MYO18B: variants seen among roughly 807,000 people sequenced by gnomAD.
MYO18B encodes the protein unconventional myosin-XVIIIb.
MYO18B carries 204 observed loss-of-function variants against 273.0 expected under a neutral mutation model. The observed-to-expected ratio is 0.75, with a 90% CI of 0.67 to 0.84. MYO18B has a LOEUF of 0.84. MYO18B is among the 40% of genes least tolerant of loss of function. The probability of loss-of-function intolerance (pLI) is 0.00; values close to 1 mark genes in which losing one functional copy is unlikely to be tolerated. For missense variants in MYO18B, 3,212 were observed against 3,287.6 expected (o/e 0.98, Z 0.56); for synonymous variants, 1,330 against 1,305.7 (o/e 1.02, Z -0.40).
chr22:25,847,433 G>A lies in MYO18B; in HGVS notation c.3556G>A (p.Ala1186Thr). Residue 1186 changes from alanine to threonine, a missense_variant, in exon 20 of 44, where the codon GCG becomes ACG. Physicochemically the swap from Ala to Thr is moderately conservative, Grantham distance 58. Coordinates refer to ENST00000335473, the MANE Select transcript of MYO18B (RefSeq NM_032608.7). ...GACCTCCCTCTATTTGGTCTAGGAT[G>A]CGCTGACCAGCATGATCAAAAGGTC... The part of the protein sequence containing the change: ...PCSQIKLQMD[A>T]LTSMIKRSRL... 1 of 1,565,196 alleles carries A rather than the reference G, an allele frequency of 6.4e-7. No individual in the cohort carries two copies. Among genetic ancestry groups the A allele is most frequent in the Non-Finnish European group, 8.7e-7 (1 of 1,154,434 alleles).
chr22:25,915,721 C>T (rs1250858937), intron 33 of MYO18B, among the ~76,000 whole-genome samples: 1 of 152,174 alleles, frequency 6.6e-6, no homozygotes, highest in Non-Finnish European at 1.5e-5. Flanking sequence ...ATTTTAGATA[C>T]TTAAGGTATC....
chr22:26,028,204 C>A lies in MYO18B; in HGVS notation c.*12+514C>A, dbSNP rs1486131188. On this transcript the variant is annotated intron_variant, in intron 43 of 43. Transcript: ENST00000335473. ...AGGTTGCAGTGAGCTGAGGGTGCCA[C>A]CACTGCACTCCAGCCTGGGAAACAA... 2.0e-5 allele frequency: 3 copies of A among 149,926 alleles called. No individual in the cohort carries two copies. In the East Asian group the frequency reaches 5.9e-4, roughly 29 times the overall value. The allele number at this position is 149,926 out of a possible 1,614,324, so 9.3% of individuals were successfully genotyped here. A position where few individuals can be genotyped will look rare whatever the true frequency, so the allele number is the denominator to read the frequency against.
intron 1 of MYO18B, among the ~76,000 whole-genome samples, chr22:25,752,977 C>T (rs1018580473): frequency 6.6e-6 from 1 of 152,220 alleles, no homozygotes; most frequent in African/African-American, 2.4e-5. Flanking sequence ...GCTGGGTCCC[C>T]CAGCACTGCT....
chr22:25,743,252 A>C (rs938460153), intron 1 of MYO18B, among the ~76,000 whole-genome samples: 2 of 152,250 alleles, frequency 1.3e-5, no homozygotes, highest in Non-Finnish European at 2.9e-5. Context: ...CATTCAGTGC[A>C]CCAGCTCATG....
intron 39 of MYO18B, among the ~76,000 whole-genome samples, chr22:25,974,899 G>A (rs888956111): frequency 5.3e-5 from 8 of 152,182 alleles, no homozygotes; most frequent in African/African-American, 1.7e-4. Context: ...GAATGCGGGG[G>A]AAGAAGGAGA....
rs545198222 is a variant in MYO18B at position 26,027,435 on chromosome 22, G to A, written c.7461G>A (p.Gly2487=). 4 of 1,613,946 alleles carry A rather than the reference G, an allele frequency of 2.5e-6. No homozygotes were observed. Among genetic ancestry groups the A allele is most frequent in the Non-Finnish European group, 3.4e-6 (4 of 1,179,888 alleles). Residue 2487 remains glycine, a synonymous_variant, in exon 43 of 44, where the codon GGG becomes GGA. Transcript: ENST00000335473. The surrounding 1 kb of genome is among the most constrained non-coding windows in gnomAD (Gnocchi z 4.1). Reference sequence around the variant, plus strand: ...AGGCTAACCGTTCCTTTCTCTCGGGGATCAAGACCATTTTGAAGAAGAGCC... The same window carrying A: ...AGGCTAACCGTTCCTTTCTCTCGGGAATCAAGACCATTTTGAAGAAGAGCC... ...TEEANRSFLS[G]IKTILKKSPE...
chr22:25,855,290 T>TTTTC (rs1387359741), intron 21 of MYO18B, among the ~76,000 whole-genome samples: 6 of 150,464 alleles, frequency 4.0e-5, no homozygotes, highest in Non-Finnish European at 7.4e-5. Context: ...TCATTCTTTT[T>TTTTC]TTTTTTTTTT....
In MYO18B at chr22:25,846,210, T is replaced by C; in HGVS notation, c.3479T>C (p.Val1160Ala). ...SQQALQRSRM[V>A]RRTFASSLAA... ...CAGGCCCTGCAGAGGAGCCGCATGG[T>C]GAGGAGGACCTTTGCCAGCAGCCTT... Residue 1160 changes from valine to alanine, a missense_variant, in exon 19 of 44, where the codon GTG (valine) becomes GCG (alanine). Transcript: ENST00000335473. 2 of 1,612,498 alleles carry C rather than the reference T, an allele frequency of 1.2e-6. No individual in the cohort carries two copies. The highest frequency in any genetic ancestry group is 1.7e-6 in the Non-Finnish European group (2 of 1,179,770).
chr22:25,834,841 T>C (rs1228665082), intron 16 of MYO18B, among the ~76,000 whole-genome samples: 1 of 152,210 alleles, frequency 6.6e-6, no homozygotes, highest in Non-Finnish European at 1.5e-5. Context: ...AAGATTTTAG[T>C]TTAAAAAATA....
intron 34 of MYO18B, among the ~76,000 whole-genome samples, chr22:25,930,699 C>T (rs12627770): frequency 0.38 from 57,057 of 151,694 alleles, 12,861 homozygotes; most frequent in East Asian, 0.51. Context: ...GTCTTGAACT[C>T]CTGGGCTCAA....
intron 34 of MYO18B, among the ~76,000 whole-genome samples, chr22:25,925,467 A>G (rs1351171580): frequency 6.6e-6 from 1 of 152,164 alleles, no homozygotes. Context: ...TTGAGTAGAG[A>G]AAACTGGATC....
intron 12 of MYO18B, among the ~76,000 whole-genome samples, chr22:25,804,288 G>C (rs565426671): frequency 6.6e-6 from 1 of 152,248 alleles, no homozygotes; most frequent in African/African-American, 2.4e-5. Flanking sequence ...GCCTGCCCAG[G>C]TTGCTCAGAG....
intron 20 of MYO18B, among the ~76,000 whole-genome samples, chr22:25,849,489 ATATACACAT>A (rs2146035370): frequency 6.6e-6 from 1 of 152,330 alleles, no homozygotes; most frequent in African/African-American, 2.4e-5. Context: ...ATATATGCAT[ATATACACAT>A]GCATGTGTGA....
chr22:25,876,610 A>G lies in MYO18B; in HGVS notation c.4224+278A>G, dbSNP rs147623207. On this transcript the variant is annotated intron_variant, in intron 24 of 43. Coordinates refer to ENST00000335473, the MANE Select transcript of MYO18B (RefSeq NM_032608.7). ...TCACTACTTAACCCAGAGAAGCTCA[A>G]TGGGCAGAGTCTTTGAGTCCTTTAT... 4.9e-4 allele frequency among the ~76,000 whole-genome samples: 74 copies of G among 150,426 alleles called. No homozygotes were observed. In the East Asian group the frequency reaches 0.013, roughly 27 times the overall value.
chr22:25,909,859 C>T (rs572393564), intron 32 of MYO18B, among the ~76,000 whole-genome samples: 1 of 152,232 alleles, frequency 6.6e-6, no homozygotes, highest in African/African-American at 2.4e-5. Flanking sequence ...GCAGAAAGAG[C>T]TGGGGTCAGG....
intron 39 of MYO18B, among the ~76,000 whole-genome samples, chr22:25,965,366 T>C (rs773333404): frequency 5.9e-5 from 9 of 152,178 alleles, no homozygotes; most frequent in African/African-American, 9.7e-5. Flanking sequence ...AAAAAGCCCA[T>C]TGATGATTAG....
At position 25,769,215 on chromosome 22, in the gene MYO18B, G is replaced by A; in HGVS notation, c.1299G>A (p.Gly433=). 6.2e-7 allele frequency: 1 copy of A among 1,605,272 alleles called. No homozygotes were observed. The highest frequency in any genetic ancestry group is 8.5e-7 in the Non-Finnish European group (1 of 1,176,086). The part of the protein sequence containing the change: ...STMVESPAAP[G]KGGWPGSRGQ... ...TGGTGGAGTCGCCAGCAGCTCCTGGGAAGGGAGGCTGGCCAGGAAGCCGTG... is the reference window on the plus strand; with the variant it reads ...TGGTGGAGTCGCCAGCAGCTCCTGGAAAGGGAGGCTGGCCAGGAAGCCGTG... The change falls in exon 4 of 44, where the codon GGG becomes GGA. Residue 433 remains glycine, a synonymous_variant. Transcript: ENST00000335473.
chr22:26,024,690 A>G (rs1936107504), intron 42 of MYO18B, among the ~76,000 whole-genome samples: 1 of 152,162 alleles, frequency 6.6e-6, no homozygotes, highest in Admixed American at 6.6e-5. Context: ...CATCATTGCC[A>G]TGGCGATCTC....
intron 1 of MYO18B, among the ~76,000 whole-genome samples, chr22:25,754,329 G>A (rs2086040063): frequency 6.6e-6 from 1 of 152,214 alleles, no homozygotes; most frequent in Admixed American, 6.5e-5. Context: ...GGAGGTCAGT[G>A]TAATTGACAG....
Sources: allele counts gnomAD v4.1 joint callset (sites outside exome capture counted in the v4.1 genomes callset), GRCh38; gene constraint gnomAD v4.1.1; non-coding constraint Gnocchi (gnomAD v3.1); transcripts MANE v1.5; gene names NCBI Gene and HGNC (gene_info 2026-07-23, HGNC 2026-07-21).